ATP2B1: variants seen among roughly 807,000 people sequenced by gnomAD.
ATP2B1 encodes the protein ATPase plasma membrane Ca2+ transporting 1.
In ATP2B1, 14 loss-of-function variants were observed where a neutral mutation model predicts 124.2. The ratio of observed to expected loss-of-function variants is 0.11; its 90% confidence interval spans 0.07 to 0.18. The LOEUF (loss-of-function observed/expected upper bound fraction) is 0.18, where lower values mean the gene tolerates loss of function less well. Among genes scored for constraint, ATP2B1 ranks in the 10% least tolerant of loss-of-function variants. The pLI is 1.00. For synonymous variants in ATP2B1, 449 were observed against 492.4 expected (o/e 0.91, Z 1.17); for missense variants, 763 against 1,466.1 (o/e 0.52, Z 7.83).
chr12:89,699,468 C>G (rs1002622293), intron 1 of ATP2B1, among the ~76,000 whole-genome samples: 9 of 152,088 alleles, frequency 5.9e-5, no homozygotes, highest in Non-Finnish European at 8.8e-5. Context: ...GCAAACCTAA[C>G]AGAATAAAGA....
chr12:89,706,828 T>C (rs894531711), intron 1 of ATP2B1, among the ~76,000 whole-genome samples: 3 of 152,138 alleles, frequency 2.0e-5, no homozygotes, highest in Non-Finnish European at 4.4e-5. Flanking sequence ...TTGCAGACTA[T>C]ATGGTAGGAA....
intron 2 of ATP2B1, among the ~76,000 whole-genome samples, chr12:89,649,689 C>G (rs908353156): frequency 1.5e-4 from 23 of 152,158 alleles, no homozygotes; most frequent in African/African-American, 5.5e-4. Context: ...GAGAAAGACA[C>G]GAGATTTGGT....
chr12:89,707,700 G>T (rs919346350), intron 1 of ATP2B1, among the ~76,000 whole-genome samples: 1 of 152,088 alleles, frequency 6.6e-6, no homozygotes, highest in African/African-American at 2.4e-5. Flanking sequence ...CAGCGCACAG[G>T]GTGCGAGCAC....
intron 1 of ATP2B1, among the ~76,000 whole-genome samples, chr12:89,680,837 AAAAC>A (rs1889257437): frequency 6.6e-6 from 1 of 152,152 alleles, no homozygotes. Context: ...TCCGAACAAA[AAAAC>A]AAACATTACT....
chr12:89,599,479 C>G (rs2135914985), intron 19 of ATP2B1, among the ~76,000 whole-genome samples, 180 bp from the exon 20 acceptor site: 1 of 152,258 alleles, frequency 6.6e-6, no homozygotes, highest in South Asian at 2.1e-4. Context: ...CTCTTAGCTA[C>G]ACAAAAGATT....
chr12:89,601,220 C>T (rs1390210541), intron 19 of ATP2B1, 106 bp downstream of exon 19: 3 of 809,466 alleles, frequency 3.7e-6, no homozygotes, highest in Non-Finnish European at 4.0e-6. Flanking sequence ...TTACTCACCA[C>T]ATTAACCATT....
At chr12:89,608,918 G>T (rs1407174979) in intron 15 of ATP2B1, among the ~76,000 whole-genome samples, 1 of 152,120 alleles carries the variant, frequency 6.6e-6, no homozygotes, top group African/African-American at 2.4e-5. Context: ...TTAAATTTGG[G>T]ATGGGGTAGG....
intron 19 of ATP2B1, 108 bp downstream of exon 19, chr12:89,601,218 C>A: frequency 1.3e-6 from 1 of 789,502 alleles, no homozygotes; most frequent in South Asian, 1.7e-5. Context: ...CTTTACTCAC[C>A]ACATTAACCA....
intron 15 of ATP2B1, among the ~76,000 whole-genome samples, chr12:89,608,215 C>G (rs765964804): frequency 6.6e-6 from 1 of 152,144 alleles, no homozygotes; most frequent in Non-Finnish European, 1.5e-5. Flanking sequence ...GTCACCTAGG[C>G]TGGAGTGCAG....
Position 89,603,048 on chromosome 12 carries a change from C to T in ATP2B1, c.3055G>A (p.Val1019Ile). Residue 1019 changes from valine to isoleucine, a missense_variant, in exon 18 of 21, where the codon GTA becomes ATA. By Grantham distance (29) the Val-to-Ile change is conservative (BLOSUM62 3). Coordinates refer to ENST00000428670, the MANE Select transcript of ATP2B1 (RefSeq NM_001366521.1). The surrounding 1 kb of genome is among the most constrained non-coding windows in gnomAD (Gnocchi z 4.3). ...FCTIVLGTFV[V>I]QIIIVQFGGK... is the part of the protein sequence containing the mutation. ...TATCTTTTCCAATTACCCACCTGTA[C>T]CACAAAAGTGCCTAAAACAATTGTG... 1.2e-6 allele frequency: 2 copies of T among 1,613,316 alleles called. No individual in the cohort carries two copies. Among genetic ancestry groups the T allele is most frequent in the Non-Finnish European group, 1.7e-6 (2 of 1,179,536 alleles).
chr12:89,676,827 C>A (rs1345971260), intron 1 of ATP2B1, among the ~76,000 whole-genome samples: 2 of 152,088 alleles, frequency 1.3e-5, no homozygotes, highest in African/African-American at 2.4e-5. Flanking sequence ...CTTCTAAATT[C>A]TCATTGTTAA....
intron 1 of ATP2B1, among the ~76,000 whole-genome samples, chr12:89,662,293 T>C (rs892258836): frequency 2.0e-5 from 3 of 152,150 alleles, no homozygotes. Flanking sequence ...CCTTCAACCA[T>C]GATAATTTAC....
rs181644519 is a variant in ATP2B1 at position 89,618,493 on chromosome 12, A to G, written c.1830-1454T>C. On this transcript the variant is annotated intron_variant, in intron 11 of 20. Transcript: ENST00000428670. ...ACTAAAAAAAATTCTCTCCTAAACC[A>G]TCTATCTACTACCCAGCAAGCCAGG... Among the ~76,000 whole-genome samples the G allele has an allele frequency of 5.3e-5, 8 of 152,346 alleles. No homozygotes were observed. The East Asian group carries it at 1.2e-3, about 22-fold the overall frequency.
chr12:89,594,378 A>T (rs1333806420), intron 20 of ATP2B1: 4 of 151,986 alleles, frequency 2.6e-5, no homozygotes, highest in Non-Finnish European at 4.4e-5. Context: ...TATTAATAAT[A>T]ATTCAATTTA....
intron 2 of ATP2B1, among the ~76,000 whole-genome samples, chr12:89,652,643 C>G (rs1357193014): frequency 6.6e-6 from 1 of 152,218 alleles, no homozygotes; most frequent in Non-Finnish European, 1.5e-5. Context: ...TATGCTTGAT[C>G]AGTGACAAAA....
chr12:89,619,599 A>C (rs1879613044), intron 11 of ATP2B1, among the ~76,000 whole-genome samples: 1 of 148,068 alleles, frequency 6.8e-6, no homozygotes, highest in African/African-American at 2.5e-5. Context: ...TGATACAGGG[A>C]AACTCCACCT....
chr12:89,658,646 A>AGAGAGAGG (rs1221186665), intron 1 of ATP2B1, among the ~76,000 whole-genome samples: 23 of 136,216 alleles, frequency 1.7e-4, no homozygotes, highest in Non-Finnish European at 3.6e-4. Flanking sequence ...AGAGAGAGAG[A>AGAGAGAGG]GATAGAGATA....
At chr12:89,636,565 A>G (rs1882746882) in intron 3 of ATP2B1, among the ~76,000 whole-genome samples, 1 of 152,210 alleles carries the variant, frequency 6.6e-6, no homozygotes, top group African/African-American at 2.4e-5. Flanking sequence ...TATTCAGAAG[A>G]AAAGAATGAG....
At position 89,708,821 on chromosome 12, in the gene ATP2B1, C is replaced by G. The variant is rs1459374210; in HGVS notation, c.-447G>C. 1 of 151,958 alleles carries G rather than the reference C, an allele frequency of 6.6e-6. No homozygotes were observed. The highest frequency in any genetic ancestry group is 1.9e-4 in the East Asian group (1 of 5,154). 9.4% of individuals were successfully genotyped at this position (151,958 alleles called of 1,614,324 possible). ...CTCGGCGTCCACCAGCCGGGGCTCC[C>G]TACTCACGCTGCACTGCGAGGAGGC... is the stretch of plus-strand genomic sequence containing the variant. On this transcript the variant is annotated 5_prime_UTR_variant, in exon 1 of 21. Coordinates refer to ENST00000428670, the MANE Select transcript of ATP2B1 (RefSeq NM_001366521.1).
Sources: allele counts gnomAD v4.1 joint callset (sites outside exome capture counted in the v4.1 genomes callset), GRCh38; gene constraint gnomAD v4.1.1; non-coding constraint Gnocchi (gnomAD v3.1); transcripts MANE v1.5; gene names NCBI Gene and HGNC (gene_info 2026-07-23, HGNC 2026-07-21).